Variants in CNTNAP4 observed in about 807,000 individuals in gnomAD.
The protein encoded by CNTNAP4 is contactin-associated protein-like 4.
In CNTNAP4, 98 loss-of-function variants were observed where a neutral mutation model predicts 148.4. The ratio of observed to expected loss-of-function variants is 0.66; its 90% CI spans 0.56 to 0.78. The LOEUF (loss-of-function observed/expected upper bound fraction) is 0.78, where lower values mean the gene tolerates loss of function less well. Ranked by LOEUF, CNTNAP4 falls within the 30% of genes least tolerant of loss-of-function variation. The probability of loss-of-function intolerance (pLI) is 0.00; values close to 1 mark genes in which losing one functional copy is unlikely to be tolerated. For synonymous variants in CNTNAP4, 730 were observed against 565.1 expected, an observed-to-expected ratio of 1.29 and a Z score of -4.14; for missense variants, 1,935 against 1,565.6, an observed-to-expected ratio of 1.24 and a Z score of -3.98.
intron 3 of CNTNAP4, among the ~76,000 whole-genome samples, chr16:76,377,141 G>A (rs2015500802): frequency 1.3e-5 from 2 of 152,080 alleles, no homozygotes; most frequent in Non-Finnish European, 2.9e-5. Flanking sequence ...TTATTCCAGG[G>A]AAGTCAGTCT....
intron 19 of CNTNAP4, 66 bp downstream of exon 19, chr16:76,538,406 C>G (rs927314643): frequency 4.1e-6 from 5 of 1,206,030 alleles, no homozygotes; most frequent in Middle Eastern, 1.9e-4. Flanking sequence ...TAATATGGAT[C>G]ATTCTCGTGT....
At chr16:76,462,835 G>A (rs1488406130) in intron 9 of CNTNAP4, among the ~76,000 whole-genome samples, 11 of 152,148 alleles carry the variant, frequency 7.2e-5, no homozygotes, top group Admixed American at 2.0e-4. Flanking sequence ...ATGTTGAGGT[G>A]TTGCTTATAT....
chr16:76,439,829 T>C (rs1031671928), intron 4 of CNTNAP4, among the ~76,000 whole-genome samples: 18 of 152,184 alleles, frequency 1.2e-4, no homozygotes, highest in African/African-American at 3.9e-4. Context: ...TTCTGTGTTC[T>C]GTTATGCTAC....
intron 2 of CNTNAP4, among the ~76,000 whole-genome samples, chr16:76,348,792 G>C (rs1217185537): frequency 6.6e-6 from 1 of 151,570 alleles, no homozygotes; most frequent in Non-Finnish European, 1.5e-5. Context: ...GAAGGAATGG[G>C]GTGAGAAAAA....
chr16:76,409,827 T>A (rs1461681096), intron 3 of CNTNAP4, among the ~76,000 whole-genome samples: 1 of 151,888 alleles, frequency 6.6e-6, no homozygotes, highest in Non-Finnish European at 1.5e-5. Context: ...ACTCAAGTAA[T>A]GAGATTCAGA....
intron 17 of CNTNAP4, among the ~76,000 whole-genome samples, chr16:76,527,736 G>T (rs1054456536): frequency 1.3e-5 from 2 of 152,066 alleles, no homozygotes; most frequent in African/African-American, 4.8e-5. Context: ...AAATATAGTA[G>T]ATTTGTCACA....
chr16:76,523,381 T>G (rs1484581555), intron 17 of CNTNAP4, among the ~76,000 whole-genome samples: 3 of 152,172 alleles, frequency 2.0e-5, no homozygotes, highest in African/African-American at 7.2e-5. Flanking sequence ...TTGCCCATTT[T>G]TTTTTCTGAT....
intron 2 of CNTNAP4, among the ~76,000 whole-genome samples, chr16:76,330,004 C>G (rs1318364465): frequency 2.0e-5 from 3 of 152,186 alleles, no homozygotes; most frequent in Non-Finnish European, 4.4e-5. Flanking sequence ...TGTGCAGACA[C>G]TTCCCACACC....
intron 17 of CNTNAP4, among the ~76,000 whole-genome samples, chr16:76,532,076 A>G (rs934745207): frequency 5.9e-5 from 9 of 152,120 alleles, no homozygotes; most frequent in African/African-American, 2.2e-4. Flanking sequence ...GTGTTTCCCC[A>G]TCTAAATTTA....
Position 76,558,933 on chromosome 16 carries a change from C to A in CNTNAP4, c.*250C>A, listed in dbSNP as rs933394892. The A allele has an allele frequency of 3.1e-5, 9 of 289,372 alleles. No individual in the cohort carries two copies. The highest frequency in any genetic ancestry group is 5.1e-5 in the Non-Finnish European group (8 of 157,576). The allele number at this position is 289,372 out of a possible 1,614,324, so 17.9% of individuals were successfully genotyped here. ...TCAACTGTTCTGGTATGATCTAAAA[C>A]AAGTTTAACCTGCTTAATGGCTACA... On this transcript the variant is annotated 3_prime_UTR_variant, in exon 24 of 24. Transcript: ENST00000611870.
At chr16:76,427,761 T>C (rs527982319) in intron 4 of CNTNAP4, among the ~76,000 whole-genome samples, 162 bp downstream of exon 4, 7 of 152,332 alleles carry the variant, frequency 4.6e-5, no homozygotes, top group Admixed American at 3.9e-4. Context: ...CATGCCAATA[T>C]TGACTTTCAT....
chr16:76,521,937 G>T, intron 16 of CNTNAP4, 102 bp from the exon 17 acceptor site: 4 of 1,032,528 alleles, frequency 3.9e-6, no homozygotes, highest in East Asian at 2.4e-5. Context: ...TTATCTTTCT[G>T]TTCAGCGATT....
intron 8 of CNTNAP4, 74 bp downstream of exon 8, chr16:76,452,843 C>A: frequency 7.6e-7 from 1 of 1,307,190 alleles, no homozygotes; most frequent in Non-Finnish European, 1.0e-6. Flanking sequence ...AAATTTTATG[C>A]ATAACCAAAA....
intron 15 of CNTNAP4, among the ~76,000 whole-genome samples, chr16:76,498,901 A>T (rs2082515629): frequency 6.6e-6 from 1 of 152,124 alleles, no homozygotes; most frequent in African/African-American, 2.4e-5. Flanking sequence ...GGGACTGGGG[A>T]CAGGAAAGAA....
intron 3 of CNTNAP4, among the ~76,000 whole-genome samples, chr16:76,408,478 C>T (rs745792224): frequency 6.7e-6 from 1 of 148,780 alleles, no homozygotes; most frequent in African/African-American, 2.6e-5. Context: ...CCCTCTTGTA[C>T]CCATTCCGAG....
chr16:76,544,047 G>A (rs967061763), intron 21 of CNTNAP4, among the ~76,000 whole-genome samples: 1 of 152,066 alleles, frequency 6.6e-6, no homozygotes, highest in Non-Finnish European at 1.5e-5. Flanking sequence ...TTCGATAATC[G>A]TGATAACAAA....
At chr16:76,341,711 A>G (rs1964482675) in intron 2 of CNTNAP4, among the ~76,000 whole-genome samples, 1 of 152,210 alleles carries the variant, frequency 6.6e-6, no homozygotes, top group Non-Finnish European at 1.5e-5. Context: ...GATCAGAGCT[A>G]GAAAAATAGA....
intron 2 of CNTNAP4, among the ~76,000 whole-genome samples, chr16:76,353,110 G>A (rs1354713712): frequency 1.3e-5 from 2 of 152,086 alleles, no homozygotes; most frequent in African/African-American, 2.4e-5. Context: ...AAGTCAAAAC[G>A]CATAAACAAA....
intron 3 of CNTNAP4, among the ~76,000 whole-genome samples, chr16:76,394,083 T>C (rs1252689279): frequency 6.6e-6 from 1 of 152,188 alleles, no homozygotes; most frequent in Non-Finnish European, 1.5e-5. Flanking sequence ...CTACTTATTA[T>C]GGCAAGCTCT....
Sources: allele counts gnomAD v4.1 joint callset (sites outside exome capture counted in the v4.1 genomes callset), GRCh38; gene constraint gnomAD v4.1.1; transcripts MANE v1.5; gene names NCBI Gene and HGNC (gene_info 2026-07-23, HGNC 2026-07-21).